The following THSD4 variants were observed in gnomAD, a reference collection of about 807,000 sequenced individuals.
THSD4 encodes thrombospondin type 1 domain containing 4, also known as thrombospondin type-1 domain-containing protein 4.
THSD4 carries 69 observed loss-of-function variants against 119.0 expected under a neutral mutation model. The ratio of observed to expected loss-of-function variants is 0.58; its 90% confidence interval spans 0.48 to 0.71. The LOEUF (loss-of-function observed/expected upper bound fraction) is 0.71, where lower values mean the gene tolerates loss of function less well. Among genes scored for constraint, THSD4 ranks in the 30% least tolerant of loss-of-function variants. The pLI is 0.00. For synonymous variants in THSD4, 524 were observed against 540.4 expected (o/e 0.97, Z 0.42); for missense variants, 1,393 against 1,391.1 (o/e 1.00, Z -0.02).
At chr15:71,306,331 AAAAAAAAG>A (rs1269693466) in intron 6 of THSD4, among the ~76,000 whole-genome samples, 32 of 140,598 alleles carry the variant, frequency 2.3e-4, no homozygotes, top group Non-Finnish European at 4.1e-4. Context: ...AAAAAAAAAA[AAAAAAAAG>A]GGAATGGTAT....
intron 7 of THSD4, among the ~76,000 whole-genome samples, chr15:71,455,894 C>T (rs2047332519): frequency 6.6e-6 from 1 of 152,106 alleles, no homozygotes; most frequent in Non-Finnish European, 1.5e-5. Flanking sequence ...TTTTGTTTCC[C>T]TTGAGCAACA....
At chr15:71,445,910 A>G (rs1038020547) in intron 7 of THSD4, among the ~76,000 whole-genome samples, 12 of 152,248 alleles carry the variant, frequency 7.9e-5, no homozygotes, top group African/African-American at 2.7e-4. Context: ...GCTGAGCTTA[A>G]TTGTGGAGAT....
intron 3 of THSD4, among the ~76,000 whole-genome samples, chr15:71,180,767 G>T (rs960639676): frequency 6.6e-6 from 1 of 152,138 alleles, no homozygotes. Flanking sequence ...ACCAACAGGG[G>T]GTGAGGGTGG....
chr15:71,243,050 T>C lies in THSD4; in HGVS notation c.866T>C (p.Ile289Thr), dbSNP rs2044167641. Residue 289 changes from isoleucine to threonine, a missense_variant, in exon 5 of 18, where the codon ATC becomes ACC. Transcript: ENST00000261862. ...SFSQPARSTA[I>T]SCIGAYRQYK... ...TCTCAGCCTGCCCGATCTACAGCAA[T>C]CTCATGCATCGGGGCCTATCGGCAG... 1 of 1,614,142 alleles carries C rather than the reference T, an allele frequency of 6.2e-7. No individual in the cohort carries two copies. The highest frequency in any genetic ancestry group is 8.5e-7 in the Non-Finnish European group (1 of 1,180,030).
At chr15:71,521,299 A>C (rs951044149) in intron 7 of THSD4, among the ~76,000 whole-genome samples, 1 of 152,208 alleles carries the variant, frequency 6.6e-6, no homozygotes, top group African/African-American at 2.4e-5. Flanking sequence ...TTCTATTAAG[A>C]TGTTTTAGTT....
intron 7 of THSD4, among the ~76,000 whole-genome samples, chr15:71,618,800 A>C (rs907625159): frequency 6.6e-6 from 1 of 150,870 alleles, no homozygotes; most frequent in African/African-American, 2.4e-5. Context: ...CTGGTCTTGA[A>C]CTCCTGGACC....
chr15:71,564,345 G>A (rs12912888), intron 7 of THSD4, among the ~76,000 whole-genome samples: 126,687 of 152,144 alleles, frequency 0.83, 53,240 homozygotes, highest in Non-Finnish European at 0.88. Context: ...GAGAACCCAC[G>A]TAACAGCATG....
chr15:71,250,733 A>G (rs1334698804), intron 5 of THSD4, among the ~76,000 whole-genome samples: 1 of 152,196 alleles, frequency 6.6e-6, no homozygotes, highest in African/African-American at 2.4e-5. Context: ...ATAAATAGGC[A>G]GTCATAAGTA....
chr15:71,302,058 G>A (rs2044957253), intron 6 of THSD4, among the ~76,000 whole-genome samples: 1 of 152,142 alleles, frequency 6.6e-6, no homozygotes, highest in Admixed American at 6.5e-5. Context: ...TTTATTTTGG[G>A]ATCTATTTCT....
At chr15:71,099,306 C>T (rs2040244506) in intron 1 of THSD4, among the ~76,000 whole-genome samples, 1 of 152,176 alleles carries the variant, frequency 6.6e-6, no homozygotes, top group Admixed American at 6.5e-5. Context: ...TGGTGTTGCT[C>T]AGTTCTTCAA....
intron 7 of THSD4, among the ~76,000 whole-genome samples, chr15:71,488,114 G>A (rs573627192): frequency 1.3e-5 from 2 of 152,134 alleles, no homozygotes; most frequent in Non-Finnish European, 2.9e-5. Flanking sequence ...TCTCTCTTCA[G>A]CAGGATGCAA....
At chr15:71,545,104 T>C (rs1297288793) in intron 7 of THSD4, among the ~76,000 whole-genome samples, 1 of 152,196 alleles carries the variant, frequency 6.6e-6, no homozygotes, top group Non-Finnish European at 1.5e-5. Flanking sequence ...CTGCACAACA[T>C]TGTGAATGTA....
chr15:71,529,112 C>T (rs1464267603), intron 7 of THSD4, among the ~76,000 whole-genome samples: 1 of 152,176 alleles, frequency 6.6e-6, no homozygotes, highest in South Asian at 2.1e-4. Context: ...AGGTGGATAT[C>T]AGTGTCCAGT....
chr15:71,208,761 C>T (rs1179281690), intron 3 of THSD4, among the ~76,000 whole-genome samples: 3 of 152,108 alleles, frequency 2.0e-5, no homozygotes, highest in Admixed American at 6.5e-5. Flanking sequence ...ATCCACCCAC[C>T]TCAGCCTCCC....
chr15:71,480,226 C>T (rs1163591700), intron 7 of THSD4, among the ~76,000 whole-genome samples: 2 of 152,104 alleles, frequency 1.3e-5, no homozygotes, highest in African/African-American at 4.8e-5. Flanking sequence ...TTTGTAGAGA[C>T]AAAGTCTTAC....
At position 71,280,915 on chromosome 15, in the gene THSD4, A is replaced by G. The variant is rs139770640; in HGVS notation, c.1015+24200A>G. On this transcript the variant is annotated intron_variant, in intron 6 of 17. Coordinates refer to ENST00000261862, the MANE Select transcript of THSD4 (RefSeq NM_024817.3). Reference sequence around the variant, plus strand: ...AACTCTCATCATACAAAGTATCGGTATTTTGAATTTGTAGGTGAATCATTT... The same window carrying G: ...AACTCTCATCATACAAAGTATCGGTGTTTTGAATTTGTAGGTGAATCATTT... 1.1e-4 allele frequency among the ~76,000 whole-genome samples: 16 copies of G among 152,322 alleles called. No individual in the cohort carries two copies. In the East Asian group the frequency reaches 3.1e-3, roughly 29 times the overall value.
At chr15:71,199,783 G>GGTGTGTGT (rs1480484769) in intron 3 of THSD4, among the ~76,000 whole-genome samples, 2 of 98,050 alleles carry the variant, frequency 2.0e-5, no homozygotes, top group South Asian at 3.2e-4. Flanking sequence ...GTGGTGTGTG[G>GGTGTGTGT]GTGTGTGCTG....
intron 6 of THSD4, among the ~76,000 whole-genome samples, chr15:71,276,511 G>A (rs978928291): frequency 6.6e-6 from 1 of 152,194 alleles, no homozygotes; most frequent in Non-Finnish European, 1.5e-5. Context: ...TATTGGGATT[G>A]ATTAGTGATG....
chr15:71,765,790 CTGTGTGTGTGTGTG>C (rs59012463), intron 16 of THSD4, among the ~76,000 whole-genome samples: 1 of 146,222 alleles, frequency 6.8e-6, no homozygotes, highest in East Asian at 2.0e-4. Context: ...CACACACTCT[CTGTGTGTGTGTGTG>C]TGTGTGTGTG....
Sources: allele counts gnomAD v4.1 joint callset (sites outside exome capture counted in the v4.1 genomes callset), GRCh38; gene constraint gnomAD v4.1.1; transcripts MANE v1.5; gene names NCBI Gene and HGNC (gene_info 2026-07-23, HGNC 2026-07-21).